The following PALD1 variants were observed in gnomAD, a reference collection of about 807,000 sequenced individuals.
The protein encoded by PALD1 is phosphatase domain containing paladin 1.
Under a neutral mutation model 96.0 loss-of-function variants are expected in PALD1, and 57 were observed. The ratio of observed to expected loss-of-function variants is 0.59; its 90% CI spans 0.48 to 0.74. The LOEUF (loss-of-function observed/expected upper bound fraction) is 0.74, where lower values mean the gene tolerates loss of function less well. Among genes scored for constraint, PALD1 ranks in the 30% least tolerant of loss-of-function variants. The probability of loss-of-function intolerance (pLI) is 0.00; values close to 1 mark genes in which losing one functional copy is unlikely to be tolerated. For missense variants in PALD1, 1,063 were observed against 1,143.7 expected, an observed-to-expected ratio of 0.93 and a Z score of 1.02; for synonymous variants, 464 against 473.6, an observed-to-expected ratio of 0.98 and a Z score of 0.26.
chr10:70,504,970 GTGT>G (rs1257250446), intron 1 of PALD1, among the ~76,000 whole-genome samples: 11 of 152,206 alleles, frequency 7.2e-5, no homozygotes, highest in Non-Finnish European at 1.5e-4. Flanking sequence ...CCACTGGACT[GTGT>G]TGCAGTGCGA....
At chr10:70,484,108 T>G (rs1471755705) in intron 1 of PALD1, among the ~76,000 whole-genome samples, 1 of 152,144 alleles carries the variant, frequency 6.6e-6, no homozygotes. Context: ...GTTCAAGCAA[T>G]TCTCGTGCCT....
At chr10:70,530,797 C>T (rs1268052758) in intron 4 of PALD1, among the ~76,000 whole-genome samples, 1 of 152,104 alleles carries the variant, frequency 6.6e-6, no homozygotes, top group Non-Finnish European at 1.5e-5. Context: ...TCAAGGGGAC[C>T]ATCTGCCCAC....
chr10:70,464,276 A>G, the PALD1 span, among the ~76,000 whole-genome samples: 11 of 148,698 alleles, frequency 7.4e-5, no homozygotes, highest in Admixed American at 3.4e-4. Flanking sequence ...CAGTGGCACA[A>G]TCTTGGCTCA....
chr10:70,485,259 GA>G (rs1845999993), intron 1 of PALD1: 1 of 152,092 alleles, frequency 6.6e-6, no homozygotes, highest in Non-Finnish European at 1.5e-5. Flanking sequence ...ATATACAAAG[GA>G]GAGGTATGTT....
chr10:70,470,870 C>T, the PALD1 span, among the ~76,000 whole-genome samples: 31 of 151,356 alleles, frequency 2.0e-4, 1 homozygote, highest in Admixed American at 1.7e-3. Context: ...GACACGATCT[C>T]GGCTCACCGC....
intron 1 of PALD1, among the ~76,000 whole-genome samples, chr10:70,521,301 A>C (rs1218810591): frequency 6.6e-6 from 1 of 152,120 alleles, no homozygotes; most frequent in African/African-American, 2.4e-5. Context: ...GAGGAAGCTG[A>C]GGGGCAGTTG....
intron 18 of PALD1, among the ~76,000 whole-genome samples, chr10:70,563,513 C>G (rs1847782302): frequency 6.6e-6 from 1 of 152,204 alleles, no homozygotes; most frequent in African/African-American, 2.4e-5. Flanking sequence ...GATCGATGCC[C>G]CACAGCCTCC....
the PALD1 span, among the ~76,000 whole-genome samples, chr10:70,469,575 C>CT: frequency 6.6e-6 from 1 of 152,106 alleles, no homozygotes; most frequent in Admixed American, 6.6e-5. Flanking sequence ...TGGGCCACCC[C>CT]TGCCTGCTGC....
At chr10:70,525,784 G>C (rs1476912319) in intron 1 of PALD1, 139 bp from the exon 2 acceptor site, 2 of 670,120 alleles carry the variant, frequency 3.0e-6, no homozygotes, top group African/African-American at 3.6e-5. Context: ...GCCCCACGGT[G>C]TAGGAGGCAA....
chr10:70,489,900 T>G (rs1032701576), intron 1 of PALD1, among the ~76,000 whole-genome samples: 1 of 152,034 alleles, frequency 6.6e-6, no homozygotes, highest in Non-Finnish European at 1.5e-5. Context: ...ATACAACATA[T>G]GGGTTTTTTG....
intron 9 of PALD1, 92 bp from the exon 10 acceptor site, chr10:70,534,647 C>G: frequency 8.5e-7 from 1 of 1,179,822 alleles, no homozygotes; most frequent in East Asian, 2.5e-5. Context: ...CTTTTTCTTT[C>G]CCTCTCTTTT....
chr10:70,459,860 A>ATCT, the PALD1 span, among the ~76,000 whole-genome samples: 1 of 151,878 alleles, frequency 6.6e-6, no homozygotes, highest in Non-Finnish European at 1.5e-5. Flanking sequence ...CTGTGCCCTC[A>ATCT]TCTTCACAGC....
At position 70,540,136 on chromosome 10, in the gene PALD1, A is replaced by T. The variant is rs1039280067; in HGVS notation, c.1908+374A>T. Reference sequence around the variant, plus strand: ...TGTGTGTTATAGGTGTGTGTGTGTTATCGGGGTGTGTGTGTATTCTGTTAC... The same window carrying T: ...TGTGTGTTATAGGTGTGTGTGTGTTTTCGGGGTGTGTGTGTATTCTGTTAC... On this transcript the variant is annotated intron_variant, in intron 15 of 19. Transcript: ENST00000263563. This position sits in a 1 kb window ranked among gnomAD's most constrained non-coding sequence, Gnocchi z 4.2. 3.3e-5 allele frequency among the ~76,000 whole-genome samples: 5 copies of T among 150,678 alleles called. No individual in the cohort carries two copies. Among genetic ancestry groups the T allele is most frequent in the Non-Finnish European group, 7.4e-5 (5 of 67,600 alleles).
chr10:70,531,172 A>G (rs1846981076), intron 4 of PALD1, 118 bp from the exon 5 acceptor site: 1 of 773,568 alleles, frequency 1.3e-6, no homozygotes, highest in African/African-American at 1.7e-5. Flanking sequence ...GGTTGCAGGG[A>G]TGGTGTGGGG....
At chr10:70,555,549 T>C (rs989695828) in intron 18 of PALD1, among the ~76,000 whole-genome samples, 9 of 152,234 alleles carry the variant, frequency 5.9e-5, no homozygotes, top group African/African-American at 2.2e-4. Context: ...ACTGTGTGAC[T>C]GCCTGGGTTG....
chr10:70,514,693 A>G (rs575730414), intron 1 of PALD1, among the ~76,000 whole-genome samples: 7 of 152,278 alleles, frequency 4.6e-5, no homozygotes, highest in African/African-American at 1.7e-4. Context: ...TGAGGGCTGT[A>G]GCAAAGACAC....
chr10:70,539,650 G>A lies in PALD1; in HGVS notation c.1796G>A (p.Arg599Lys), dbSNP rs752210117. 1.2e-6 allele frequency: 2 copies of A among 1,613,752 alleles called. No individual in the cohort carries two copies. The highest frequency in any genetic ancestry group is 1.7e-6 in the Non-Finnish European group (2 of 1,179,844). ...PPGKEGPLTY[R>K]FQTCLTMQEV... The stretch of plus-strand genomic sequence containing the variant: ...GGCAAGGAGGGCCCCCTGACCTACA[G>A]GTTCCAGACCTGCCTTACCATGCAG... The change falls in exon 15 of 20, where the codon AGG becomes AAG. Residue 599 changes from arginine (R) to lysine (K), a missense_variant. Transcript: ENST00000263563. This position sits in a 1 kb window ranked among gnomAD's most constrained non-coding sequence, Gnocchi z 4.5.
chr10:70,561,491 A>G (rs1186458698), intron 18 of PALD1, among the ~76,000 whole-genome samples: 3 of 152,176 alleles, frequency 2.0e-5, no homozygotes, highest in African/African-American at 7.2e-5. Flanking sequence ...CCATCCTTGC[A>G]GATAGGTGGG....
the PALD1 span, among the ~76,000 whole-genome samples, chr10:70,468,347 G>A: frequency 2.0e-5 from 3 of 151,714 alleles, no homozygotes; most frequent in African/African-American, 4.8e-5. Flanking sequence ...GGGTTCAAAC[G>A]ATTCTCCTGC....
Sources: allele counts gnomAD v4.1 joint callset (sites outside exome capture counted in the v4.1 genomes callset), GRCh38; gene constraint gnomAD v4.1.1; non-coding constraint Gnocchi (gnomAD v3.1); transcripts MANE v1.5; gene names NCBI Gene and HGNC (gene_info 2026-07-23, HGNC 2026-07-21).